Variants in SRP72 observed in about 807,000 individuals in gnomAD.
SRP72 encodes signal recognition particle 72, also known as signal recognition particle subunit SRP72.
Under a neutral mutation model 96.3 loss-of-function variants are expected in SRP72, and 49 were observed. That is an observed-to-expected ratio of 0.51 (90% CI 0.40 to 0.65). SRP72 has a LOEUF of 0.65. SRP72 is among the 30% of genes least tolerant of loss of function. The pLI is 0.00. For missense variants in SRP72, 736 were observed against 793.3 expected (o/e 0.93, Z 0.87); for synonymous variants, 267 against 275.2 (o/e 0.97, Z 0.30).
At chr4:56,496,676 T>G (rs1721081156) in intron 17 of SRP72, among the ~76,000 whole-genome samples, 2 of 152,120 alleles carry the variant, frequency 1.3e-5, no homozygotes, top group Admixed American at 6.5e-5. Flanking sequence ...CTAAAGAGTG[T>G]AAAATTCCCT....
chr4:56,483,417 T>TTA, intron 9 of SRP72, 147 bp downstream of exon 9: 1 of 740,734 alleles, frequency 1.4e-6, no homozygotes, highest in African/African-American at 1.8e-5. Flanking sequence ...CCTCAAAATA[T>TTA]TATATATATT....
intron 13 of SRP72, 33 bp downstream of exon 13, chr4:56,489,516 T>C (rs776267542): frequency 2.3e-6 from 3 of 1,326,044 alleles, no homozygotes; most frequent in Non-Finnish European, 3.2e-6. Flanking sequence ...TATGAGAGCA[T>C]GTTTTTACAT....
chr4:56,476,613 G>T (rs1578179846), intron 5 of SRP72, 58 bp from the exon 6 acceptor site: 2 of 1,569,094 alleles, frequency 1.3e-6, no homozygotes, highest in East Asian at 4.5e-5. Context: ...CTTTGGAATA[G>T]TGAAAGAAAT....
At chr4:56,480,738 A>G (rs796151515) in intron 8 of SRP72, among the ~76,000 whole-genome samples, 8 of 152,354 alleles carry the variant, frequency 5.3e-5, no homozygotes, top group African/African-American at 1.9e-4. Flanking sequence ...GCATCATCAC[A>G]TAGTTTAAAA....
chr4:56,486,654 C>G (rs1007600536), intron 11 of SRP72, among the ~76,000 whole-genome samples: 1 of 152,190 alleles, frequency 6.6e-6, no homozygotes, highest in African/African-American at 2.4e-5. Flanking sequence ...AAGGATTCCT[C>G]TCTTCCAAAA....
In SRP72 at chr4:56,501,962, A is replaced by G. The variant is rs1230148315; in HGVS notation, c.*101A>G. On this transcript the variant is annotated 3_prime_UTR_variant, in exon 19 of 19. Transcript: ENST00000642900. ...AGAAGCACAGAACTACTCCCTCTTC[A>G]TCTCCATATTTTCATAATTTCTTGT... 5.0e-6 allele frequency: 6 copies of G among 1,191,746 alleles called. No homozygotes were observed. The South Asian group carries it at 6.8e-5, about 13-fold the overall frequency. 73.8% of individuals were successfully genotyped at this position (1,191,746 alleles called of 1,614,324 possible). A position where few individuals can be genotyped will look rare whatever the true frequency, so the allele number is the denominator to read the frequency against.
intron 8 of SRP72, among the ~76,000 whole-genome samples, chr4:56,478,965 G>T (rs183737212): frequency 2.0e-5 from 3 of 152,006 alleles, no homozygotes; most frequent in African/African-American, 4.8e-5. Flanking sequence ...TTAAGTATAC[G>T]CATGTTTTAT....
chr4:56,481,675 C>T (rs749974188), intron 8 of SRP72, among the ~76,000 whole-genome samples: 1 of 151,790 alleles, frequency 6.6e-6, no homozygotes, highest in Non-Finnish European at 1.5e-5. Context: ...ACAGGCATAC[C>T]TCATTTTATT....
At chr4:56,497,272 T>G (rs1408235891) in intron 17 of SRP72, among the ~76,000 whole-genome samples, 1 of 151,182 alleles carries the variant, frequency 6.6e-6, no homozygotes, top group African/African-American at 2.4e-5. Flanking sequence ...CAGGCTGGAG[T>G]GCAGTGGCGC....
In SRP72 at chr4:56,502,208, G is replaced by T; in HGVS notation, c.*347G>T. 4.6e-6 allele frequency: 1 copy of T among 219,242 alleles called. No homozygotes were observed. The highest frequency in any genetic ancestry group is 6.5e-5 in the South Asian group (1 of 15,460). The allele number at this position is 219,242 out of a possible 1,614,324, so 13.6% of individuals were successfully genotyped here. ...GGATTTAAACAGAAACTACTTCTAT[G>T]ATTTCAGCTGGAGTCTGAAGATACT... On this transcript the variant is annotated 3_prime_UTR_variant, in exon 19 of 19. Transcript: ENST00000642900.
chr4:56,499,158 G>C (rs1455277962), intron 17 of SRP72, among the ~76,000 whole-genome samples: 1 of 151,698 alleles, frequency 6.6e-6, no homozygotes, highest in Non-Finnish European at 1.5e-5. Context: ...CAAAAGCAAT[G>C]GGGAAAGGAT....
rs1721271614 is a variant in SRP72, at chr4:56,501,870, T to C, written c.*9T>C. The C allele has an allele frequency of 6.2e-7, 1 of 1,613,966 alleles. No individual in the cohort carries two copies. Among genetic ancestry groups the C allele is most frequent in the Non-Finnish European group, 8.5e-7 (1 of 1,179,964 alleles). On this transcript the variant is annotated 3_prime_UTR_variant, in exon 19 of 19. Transcript: ENST00000642900. The stretch of plus-strand genomic sequence containing the variant: ...GAAAAGGTGGCTGGTGATGAGAATA[T>C]TCTTGTTGCAGGCTGTTTTTAAACT...
intron 3 of SRP72, among the ~76,000 whole-genome samples, chr4:56,473,457 CA>C (rs536634526): frequency 2.1e-3 from 274 of 129,356 alleles, no homozygotes; most frequent in African/African-American, 2.3e-3. Flanking sequence ...GACTCCATCT[CA>C]AAAAAAAAAA....
chr4:56,473,991 C>T (rs1243607205), intron 3 of SRP72, 63 bp from the exon 4 acceptor site: 29 of 1,518,750 alleles, frequency 1.9e-5, no homozygotes, highest in African/African-American at 2.8e-5. Flanking sequence ...AAAAGGTTTG[C>T]ATGATATTAA....
At chr4:56,478,714 T>A in intron 8 of SRP72, 65 bp downstream of exon 8, 2 of 1,525,994 alleles carry the variant, frequency 1.3e-6, no homozygotes, top group Non-Finnish European at 1.8e-6. Context: ...CTAGTTTTAG[T>A]TTTGTTCTAG....
chr4:56,483,673 G>C (rs76097227), intron 9 of SRP72, among the ~76,000 whole-genome samples: 1 of 126,444 alleles, frequency 7.9e-6, no homozygotes, highest in African/African-American at 2.9e-5. Context: ...TCTCCAAAAA[G>C]AAAAAAAAAA....
At position 56,488,031 on chromosome 4, in the gene SRP72, C is replaced by A; in HGVS notation, c.1224+18C>A. On this transcript the variant is annotated intron_variant, in intron 12 of 18. Coordinates refer to ENST00000642900, the MANE Select transcript of SRP72 (RefSeq NM_006947.4). ...CAGGCATGGTGAGTTTTAAAAATTA[C>A]AAAATTGAAAAGTAGTTGAATTGAT... The A allele has an allele frequency of 6.4e-7, 1 of 1,571,750 alleles. No homozygotes were observed. The highest frequency in any genetic ancestry group is 8.6e-7 in the Non-Finnish European group (1 of 1,159,174).
chr4:56,470,553 T>G (rs201923116), intron 2 of SRP72, among the ~76,000 whole-genome samples: 2 of 145,726 alleles, frequency 1.4e-5, no homozygotes, highest in South Asian at 2.2e-4. Context: ...AAAAAAAAAG[T>G]CATTTGTAGG....
At chr4:56,487,806 G>C (rs954965504) in intron 11 of SRP72, 143 bp from the exon 12 acceptor site, 1 of 616,704 alleles carries the variant, frequency 1.6e-6, no homozygotes, top group East Asian at 3.2e-5. Context: ...AGACCCCAAA[G>C]TTTATATGTT....
Sources: allele counts gnomAD v4.1 joint callset (sites outside exome capture counted in the v4.1 genomes callset), GRCh38; gene constraint gnomAD v4.1.1; transcripts MANE v1.5; gene names NCBI Gene and HGNC (gene_info 2026-07-23, HGNC 2026-07-21).